LPIN1: variants seen among roughly 807,000 people sequenced by gnomAD.
LPIN1 encodes the protein phosphatidate phosphatase LPIN1.
Under a neutral mutation model 107.5 loss-of-function variants are expected in LPIN1, and 71 were observed. That is an observed-to-expected ratio of 0.66 (90% CI 0.55 to 0.80). LPIN1 has a LOEUF of 0.80. Among genes scored for constraint, LPIN1 ranks in the 30% least tolerant of loss-of-function variants. The pLI, the probability that LPIN1 is intolerant of heterozygous loss-of-function variation, is 0.00. For missense variants in LPIN1, 1,043 were observed against 1,160.6 expected, an observed-to-expected ratio of 0.90 and a Z score of 1.47; for synonymous variants, 445 against 452.6, an observed-to-expected ratio of 0.98 and a Z score of 0.21.
chr2:11,715,980 G>A (rs1663715493), intron 2 of LPIN1, among the ~76,000 whole-genome samples: 9 of 152,128 alleles, frequency 5.9e-5, no homozygotes, highest in Admixed American at 5.9e-4. Flanking sequence ...ACAGCTATAG[G>A]GGTGGACCTG....
chr2:11,783,951 T>C, intron 9 of LPIN1, 29 bp downstream of exon 9: 1 of 1,613,672 alleles, frequency 6.2e-7, no homozygotes, highest in Non-Finnish European at 8.5e-7. Context: ...CCTCACATCA[T>C]TTCCTATAAT....
intron 17 of LPIN1, among the ~76,000 whole-genome samples, chr2:11,810,015 C>T (rs1215808137): frequency 1.3e-5 from 2 of 152,148 alleles, no homozygotes; most frequent in African/African-American, 2.4e-5. Flanking sequence ...CTGCTCCTGG[C>T]TGTGTGGATT....
chr2:11,746,220 G>C (rs1021293099), upstream of LPIN1: 10 of 152,344 alleles, frequency 6.6e-5, no homozygotes, highest in Non-Finnish European at 4.4e-5. Flanking sequence ...AGTCAAGGAC[G>C]GGCTCAGATC....
At chr2:11,763,845 G>T (rs1670250751) in intron 1 of LPIN1, among the ~76,000 whole-genome samples, 1 of 101,602 alleles carries the variant, frequency 9.8e-6, no homozygotes, top group African/African-American at 5.0e-5. Flanking sequence ...GACATCTGAG[G>T]GTGTCCCTGT....
intron 17 of LPIN1, chr2:11,805,480 G>C: frequency 2.2e-6 from 1 of 458,420 alleles, no homozygotes; most frequent in South Asian, 2.2e-5. Context: ...GCCAGTTGAA[G>C]AAATAGGAGC....
At chr2:11,811,400 G>A (rs1342040079) in intron 17 of LPIN1, among the ~76,000 whole-genome samples, 1 of 152,228 alleles carries the variant, frequency 6.6e-6, no homozygotes, top group African/African-American at 2.4e-5. Flanking sequence ...TTTGTTGAAG[G>A]CAGGAGGGAA....
At chr2:11,736,138 G>A (rs993690848) in intron 1 of LPIN1, among the ~76,000 whole-genome samples, 1 of 152,180 alleles carries the variant, frequency 6.6e-6, no homozygotes, top group Non-Finnish European at 1.5e-5. Flanking sequence ...TGAGCACTGG[G>A]GTGCCTTCAG....
Position 11,820,469 on chromosome 2 carries a change from C to G in LPIN1, c.2576C>G (p.Pro859Arg). ...VSLNRIFTVN[P>R]KGELVQEHAK... ...TTGAATAGAATATTTACCGTCAACC[C>G]TAAAGGAGAGCTGGTACAGGAACAT... Residue 859 changes from proline (P) to arginine (R), a missense_variant, in exon 20 of 21, where the codon CCT becomes CGT. By Grantham distance (103) the Pro-to-Arg change is moderately radical (BLOSUM62 -2). Coordinates refer to ENST00000674199, the MANE Select transcript of LPIN1 (RefSeq NM_001349206.2). 1.9e-6 allele frequency: 3 copies of G among 1,613,766 alleles called. No homozygotes were observed. The highest frequency in any genetic ancestry group is 2.5e-6 in the Non-Finnish European group (3 of 1,179,660).
At chr2:11,716,280 C>A (rs1663735968) in intron 2 of LPIN1, among the ~76,000 whole-genome samples, 1 of 152,076 alleles carries the variant, frequency 6.6e-6, no homozygotes, top group African/African-American at 2.4e-5. Context: ...ATTGTTGTGT[C>A]CCGCTGTCCG....
intron 13 of LPIN1, chr2:11,792,354 A>C: frequency 4.4e-6 from 1 of 227,652 alleles, no homozygotes; most frequent in Non-Finnish European, 8.9e-6. Flanking sequence ...TTGTGGAGAC[A>C]ATTTTTCTTT....
At position 11,792,002 on chromosome 2, in the gene LPIN1, A is replaced by G; in HGVS notation, c.1802A>G (p.Lys601Arg). 1 of 1,613,690 alleles carries G rather than the reference A, an allele frequency of 6.2e-7. No homozygotes were observed. ...TGGAGGGGAAGAAACACCACAATCAAGGAGGTAAGCCCAGAAGACAAAGCA... is the reference window on the plus strand; with the variant it reads ...TGGAGGGGAAGAAACACCACAATCAGGGAGGTAAGCCCAGAAGACAAAGCA... ...FSWRGRNTTI[K>R]EESKPEQCLA... Residue 601 changes from lysine to arginine, a missense_variant, in exon 13 of 21, where the codon AAG (lysine) becomes AGG (arginine). By Grantham distance (26) the Lys-to-Arg change is conservative (BLOSUM62 2). Transcript: ENST00000674199.
chr2:11,784,197 G>T (rs540664205), intron 9 of LPIN1: 7 of 786,234 alleles, frequency 8.9e-6, no homozygotes, highest in Admixed American at 3.6e-5. Context: ...CCAGCTACTC[G>T]GGAGGCTGAG....
At chr2:11,768,110 G>C (rs183173556) in intron 3 of LPIN1, among the ~76,000 whole-genome samples, 2 of 152,142 alleles carry the variant, frequency 1.3e-5, no homozygotes, top group African/African-American at 4.8e-5. Flanking sequence ...CAGAGGGATG[G>C]ACTTCACACA....
At chr2:11,748,891 C>T (rs1276665796) in intron 1 of LPIN1, among the ~76,000 whole-genome samples, 2 of 152,122 alleles carry the variant, frequency 1.3e-5, no homozygotes, top group Non-Finnish European at 2.9e-5. Context: ...TGTTAGGTCC[C>T]GCCAGGACAC....
intron 5 of LPIN1, 58 bp from the exon 6 acceptor site, chr2:11,776,028 A>G: frequency 2.5e-6 from 2 of 796,612 alleles, no homozygotes; most frequent in South Asian, 1.7e-5. Flanking sequence ...ATCTCACTTG[A>G]TGTAATTGAC....
intron 1 of LPIN1, among the ~76,000 whole-genome samples, chr2:11,759,768 C>T (rs1211986567): frequency 1.4e-5 from 2 of 142,746 alleles, no homozygotes; most frequent in Admixed American, 6.9e-5. Context: ...TGGGCAGAGG[C>T]GCCCCCCACC....
chr2:11,780,641 G>T (rs1673432293), intron 7 of LPIN1, among the ~76,000 whole-genome samples: 1 of 152,190 alleles, frequency 6.6e-6, no homozygotes, highest in African/African-American at 2.4e-5. Context: ...GGCCTGGGAG[G>T]CAGCAGGTTA....
intron 1 of LPIN1, among the ~76,000 whole-genome samples, chr2:11,687,218 G>C (rs967426933): frequency 4.6e-5 from 7 of 151,994 alleles, no homozygotes; most frequent in African/African-American, 1.5e-4. Context: ...GGCTGGTCTT[G>C]AACTACCGTC....
At chr2:11,740,935 G>C (rs920211097) in intron 1 of LPIN1, 1 of 157,876 alleles carries the variant, frequency 6.3e-6, no homozygotes, top group Non-Finnish European at 1.4e-5. Flanking sequence ...GTGTCCAACA[G>C]GTTGCTTAGC....
Sources: allele counts gnomAD v4.1 joint callset (sites outside exome capture counted in the v4.1 genomes callset), GRCh38; gene constraint gnomAD v4.1.1; transcripts MANE v1.5; gene names NCBI Gene and HGNC (gene_info 2026-07-23, HGNC 2026-07-21).